SPPL3: variants seen among roughly 807,000 people sequenced by gnomAD.
SPPL3 encodes the protein signal peptide peptidase like 3, also known as signal peptide peptidase-like 3.
A neutral mutation model predicts 42.4 loss-of-function variants in SPPL3; 5 were observed. The ratio of observed to expected loss-of-function variants is 0.12; its 90% CI spans 0.06 to 0.25. The LOEUF (loss-of-function observed/expected upper bound fraction) is 0.25, where lower values mean the gene tolerates loss of function less well. Among genes scored for constraint, SPPL3 ranks in the 10% least tolerant of loss-of-function variants. The pLI, the probability that SPPL3 is intolerant of heterozygous loss-of-function variation, is 1.00. For missense variants in SPPL3, 235 were observed against 489.0 expected (o/e 0.48, Z 4.90); for synonymous variants, 195 against 181.8 (o/e 1.07, Z -0.58).
intron 2 of SPPL3, among the ~76,000 whole-genome samples, chr12:120,802,718 A>G (rs556763648): frequency 9.2e-5 from 14 of 152,172 alleles, no homozygotes; most frequent in African/African-American, 3.4e-4. Context: ...TACAAGCGTG[A>G]GCCACCGTGC....
intron 1 of SPPL3, among the ~76,000 whole-genome samples, chr12:120,825,468 G>A (rs1871207626): frequency 6.6e-6 from 1 of 152,130 alleles, no homozygotes; most frequent in South Asian, 2.1e-4. Flanking sequence ...GTGGAGGTGA[G>A]AAAACAAATC....
intron 1 of SPPL3, among the ~76,000 whole-genome samples, chr12:120,894,098 C>A (rs553359418): frequency 6.6e-6 from 1 of 152,210 alleles, no homozygotes; most frequent in African/African-American, 2.4e-5. Context: ...CTGAGGCAGG[C>A]AGATGACCCT....
At chr12:120,890,615 A>AT (rs1019034904) in intron 1 of SPPL3, among the ~76,000 whole-genome samples, 3 of 150,654 alleles carry the variant, frequency 2.0e-5, no homozygotes, top group African/African-American at 7.3e-5. Context: ...AAAAAATCAA[A>AT]TCCAGAATAA....
At chr12:120,861,011 T>C (rs555478312) in intron 1 of SPPL3, among the ~76,000 whole-genome samples, 3 of 152,342 alleles carry the variant, frequency 2.0e-5, no homozygotes, top group Non-Finnish European at 4.4e-5. Flanking sequence ...AGGACTCTCA[T>C]ATACTTTAAA....
At chr12:120,822,127 CAG>C (rs1364332241) in intron 1 of SPPL3, among the ~76,000 whole-genome samples, 1 of 152,064 alleles carries the variant, frequency 6.6e-6, no homozygotes, top group African/African-American at 2.4e-5. Context: ...TTGATGCATA[CAG>C]AGTTTCTGTT....
intron 1 of SPPL3, among the ~76,000 whole-genome samples, chr12:120,849,289 A>T (rs1302162838): frequency 6.6e-6 from 1 of 152,226 alleles, no homozygotes; most frequent in African/African-American, 2.4e-5. Context: ...CTCAACTCTA[A>T]CAAGCATCTA....
chr12:120,796,624 G>A (rs1046708977), intron 2 of SPPL3, among the ~76,000 whole-genome samples: 1 of 152,024 alleles, frequency 6.6e-6, no homozygotes, highest in Non-Finnish European at 1.5e-5. Context: ...TTAATTTTGA[G>A]CTTTGATCAG....
intron 1 of SPPL3, among the ~76,000 whole-genome samples, chr12:120,838,673 C>G (rs539206345): frequency 1.3e-5 from 2 of 152,294 alleles, no homozygotes; most frequent in East Asian, 3.9e-4. Context: ...TATGTGAAGT[C>G]AGAATTAGAG....
intron 1 of SPPL3, among the ~76,000 whole-genome samples, chr12:120,819,465 C>T: frequency 6.6e-6 from 1 of 152,142 alleles, no homozygotes; most frequent in East Asian, 1.9e-4. Context: ...ATTCTATTTT[C>T]ACTTGAAAGC....
intron 1 of SPPL3, among the ~76,000 whole-genome samples, chr12:120,894,672 G>A (rs967108012): frequency 3.3e-5 from 5 of 152,200 alleles, no homozygotes; most frequent in East Asian, 1.9e-4. Flanking sequence ...CTGGCCAGGC[G>A]CAGTGGCTCA....
chr12:120,901,923 T>A, intron 1 of SPPL3: 1 of 985,474 alleles, frequency 1.0e-6, no homozygotes, highest in Non-Finnish European at 1.2e-6. Flanking sequence ...CACTGAGTTT[T>A]CTATTCTTTC....
chr12:120,777,719 G>T (rs1318966385), intron 6 of SPPL3, among the ~76,000 whole-genome samples: 2 of 152,212 alleles, frequency 1.3e-5, no homozygotes, highest in Non-Finnish European at 2.9e-5. Context: ...ATTAATACTT[G>T]ATTTGGGAAA....
At chr12:120,817,607 G>T (rs1870925206) in intron 1 of SPPL3, among the ~76,000 whole-genome samples, 1 of 152,108 alleles carries the variant, frequency 6.6e-6, no homozygotes, top group Non-Finnish European at 1.5e-5. Flanking sequence ...TTCTTCCCTA[G>T]GGTCTTTTTA....
At chr12:120,878,259 C>T (rs919522857) in intron 1 of SPPL3, among the ~76,000 whole-genome samples, 1 of 151,748 alleles carries the variant, frequency 6.6e-6, no homozygotes, top group Non-Finnish European at 1.5e-5. Context: ...AGGAATATAC[C>T]AGAATATCAT....
chr12:120,768,571 A>G, intron 7 of SPPL3, 83 bp from the exon 8 acceptor site: 4 of 1,437,056 alleles, frequency 2.8e-6, no homozygotes, highest in Middle Eastern at 1.8e-4. Flanking sequence ...TCTTAAGAGC[A>G]GAGTCTCAGA....
intron 1 of SPPL3, among the ~76,000 whole-genome samples, chr12:120,873,492 C>T (rs1300540753): frequency 6.6e-6 from 1 of 152,104 alleles, no homozygotes; most frequent in African/African-American, 2.4e-5. Context: ...CACATCAAGG[C>T]ACATCATAAC....
intron 1 of SPPL3, among the ~76,000 whole-genome samples, chr12:120,885,278 G>A (rs965114698): frequency 1.1e-4 from 16 of 152,280 alleles, no homozygotes; most frequent in African/African-American, 3.4e-4. Flanking sequence ...TGATTAAAAA[G>A]ATAGTACCAC....
intron 1 of SPPL3, among the ~76,000 whole-genome samples, chr12:120,821,155 T>C (rs1262189288): frequency 6.6e-6 from 1 of 152,220 alleles, no homozygotes; most frequent in South Asian, 2.1e-4. Context: ...TGTTTTCAAA[T>C]ACATCTTATT....
At chr12:120,867,657 A>G (rs1566064927) in intron 1 of SPPL3, among the ~76,000 whole-genome samples, 1 of 21,664 alleles carries the variant, frequency 4.6e-5, no homozygotes, top group Non-Finnish European at 1.8e-4. Context: ...CTGTCTTAAA[A>G]ATGTATATAT....
Sources: allele counts gnomAD v4.1 joint callset (sites outside exome capture counted in the v4.1 genomes callset), GRCh38; gene constraint gnomAD v4.1.1; transcripts MANE v1.5; gene names NCBI Gene and HGNC (gene_info 2026-07-23, HGNC 2026-07-21).